Variants in ZNF790 observed in about 807,000 individuals in gnomAD.
ZNF790 encodes the protein zinc finger protein 790.
Under a neutral mutation model 12.1 loss-of-function variants are expected in ZNF790, and 8 were observed. That is an observed-to-expected ratio of 0.66 (90% confidence interval 0.39 to 1.19). ZNF790 has a LOEUF of 1.19. Among genes scored for constraint, ZNF790 ranks in the 50% most tolerant of loss-of-function variants. The probability of loss-of-function intolerance (pLI) is 0.01; values close to 1 mark genes in which losing one functional copy is unlikely to be tolerated. For missense variants in ZNF790, 707 were observed against 752.2 expected (o/e 0.94, Z 0.70); for synonymous variants, 252 against 244.3 (o/e 1.03, Z -0.29).
rs3833258 is a variant in ZNF790 at position 36,838,101 on chromosome 19, T to TGCGC, written c.-74+232_-74+235dup. The stretch of plus-strand genomic sequence containing the variant: ...AGCGCCTGTCAACGTCGTGTGCGCG[T>TGCGC]GCGCGCACACACACACACACACACA... On this transcript the variant is annotated intron_variant, in intron 1 of 4. Coordinates refer to ENST00000356725, the MANE Select transcript of ZNF790 (RefSeq NM_206894.4). The surrounding 1 kb of genome is among the most constrained non-coding windows in gnomAD (Gnocchi z 4.4). 4 of 150,734 alleles carry TGCGC rather than the reference T, an allele frequency of 2.7e-5. No individual in the cohort carries two copies. Among genetic ancestry groups the TGCGC allele is most frequent in the African/African-American group, 9.8e-5 (4 of 41,016 alleles). 9.3% of individuals were successfully genotyped at this position (150,734 alleles called of 1,614,324 possible).
In ZNF790 at chr19:36,825,678, G is replaced by A. The variant is rs1208824120; in HGVS notation, c.-59C>T. Reference sequence around the variant, plus strand: ...GGATTCTTTCTTGGTGAGGCAGCGTGCTGGGAAAGCAGAGCTAGAAGGAAA... The same window carrying A: ...GGATTCTTTCTTGGTGAGGCAGCGTACTGGGAAAGCAGAGCTAGAAGGAAA... On this transcript the variant is annotated 5_prime_UTR_variant, in exon 2 of 5. Transcript: ENST00000356725. The A allele has an allele frequency of 3.2e-6, 5 of 1,585,778 alleles. No homozygotes were observed. In the African/African-American group the frequency reaches 5.4e-5, roughly 17 times the overall value.
chr19:36,819,439 C>A lies in ZNF790; in HGVS notation c.905G>T (p.Arg302Ile). 1 of 1,610,116 alleles carries A rather than the reference C, an allele frequency of 6.2e-7. No homozygotes were observed. Residue 302 changes from arginine to isoleucine, a missense_variant, in exon 5 of 5, where the codon AGA (arginine) becomes ATA (isoleucine). Transcript: ENST00000356725. ...SCGSDLTRHQ[R>I]IHTGEKPYEC... ...ATAGGGTTTTTCACCAGTATGAATT[C>A]TCTGATGTCGAGTAAGATCTGAGCC...
Position 36,819,912 on chromosome 19 carries a change from G to A in ZNF790, c.432C>T (p.Thr144=). 1 of 1,614,100 alleles carries A rather than the reference G, an allele frequency of 6.2e-7. No individual in the cohort carries two copies. The highest frequency in any genetic ancestry group is 2.2e-5 in the East Asian group (1 of 44,864). The change falls in exon 5 of 5, where the codon ACC becomes ACT. Residue 144 remains threonine, a synonymous_variant. Transcript: ENST00000356725. ...GGTTAAAAGTGGGCCTTTTTTCACA[G>A]GTGCGTATCACCTGCTTGAAGCATT... is the stretch of plus-strand genomic sequence containing the variant. The part of the protein sequence containing the change: ...QEECFKQVIR[T]CEKRPTFNQH...
At chr19:36,823,894 TG>T in intron 2 of ZNF790, 104 bp from the exon 3 acceptor site, 1 of 1,088,784 alleles carries the variant, frequency 9.2e-7, no homozygotes, top group Non-Finnish European at 1.3e-6. Flanking sequence ...CTGCAGGGAG[TG>T]GGGCATATAT....
In ZNF790 at chr19:36,819,189, C is replaced by T; in HGVS notation, c.1155G>A (p.Gln385=). 1 of 1,614,050 alleles carries T rather than the reference C, an allele frequency of 6.2e-7. No homozygotes were observed. Among genetic ancestry groups the T allele is most frequent in the Non-Finnish European group, 8.5e-7 (1 of 1,180,002 alleles). The change falls in exon 5 of 5, where the codon CAG becomes CAA. Residue 385 remains glutamine, a synonymous_variant. Transcript: ENST00000356725. ...AAGGTTTCCTACCAACATGAACATTCTGATGTTGAGCAAGATTTGAACCAC... is the reference window on the plus strand; with the variant it reads ...AAGGTTTCCTACCAACATGAACATTTTGATGTTGAGCAAGATTTGAACCAC... The part of the protein sequence containing the change: ...FIRGSNLAQH[Q]NVHVGRKPYK...
chr19:36,819,487 T>A lies in ZNF790; in HGVS notation c.857A>T (p.Glu286Val), dbSNP rs2071618376. The A allele has an allele frequency of 6.2e-7, 1 of 1,611,356 alleles. No homozygotes were observed. Among genetic ancestry groups the A allele is most frequent in the Non-Finnish European group, 8.5e-7 (1 of 1,178,576 alleles). Reference protein sequence around the residue: ...HTGEKSYECKECGKAFSCGSD... With the variant: ...HTGEKSYECKVCGKAFSCGSD... ...GCCACAACTAAAGGCCTTCCCACAT[T>A]CCTTACATTCATAAGATTTCTCACC... Residue 286 changes from glutamate (E) to valine (V), a missense_variant, in exon 5 of 5, where the codon GAA becomes GTA. Physicochemically the swap from Glu to Val is moderately radical, Grantham distance 121 (BLOSUM62 -2). Coordinates refer to ENST00000356725, the MANE Select transcript of ZNF790 (RefSeq NM_206894.4).
At chr19:36,822,330 G>A (rs2071692340) in intron 4 of ZNF790, among the ~76,000 whole-genome samples, 1 of 152,018 alleles carries the variant, frequency 6.6e-6, no homozygotes, top group African/African-American at 2.4e-5. Flanking sequence ...TTTAAAAAAG[G>A]GAGATGAGAA....
At chr19:36,834,421 C>T (rs1221123597) in intron 1 of ZNF790, among the ~76,000 whole-genome samples, 3 of 152,146 alleles carry the variant, frequency 2.0e-5, no homozygotes, top group Non-Finnish European at 2.9e-5. Flanking sequence ...TGAACTGGCA[C>T]TTCCCAAAGG....
upstream of ZNF790, chr19:36,850,745 T>A (rs539832009): frequency 6.6e-6 from 1 of 152,350 alleles, no homozygotes; most frequent in Admixed American, 6.5e-5. Flanking sequence ...GCCAGGGGAA[T>A]CGGGATGGCT....
intron 1 of ZNF790, among the ~76,000 whole-genome samples, chr19:36,836,755 T>C (rs927729255): frequency 3.9e-5 from 6 of 152,052 alleles, no homozygotes; most frequent in Non-Finnish European, 8.8e-5. Context: ...AGACTCTGTC[T>C]CACAAAAATC....
chr19:36,818,622 A>C lies in ZNF790; in HGVS notation c.1722T>G (p.His574Gln). 1 of 1,611,268 alleles carries C rather than the reference A, an allele frequency of 6.2e-7. No individual in the cohort carries two copies. Among genetic ancestry groups the C allele is most frequent in the Non-Finnish European group, 8.5e-7 (1 of 1,178,490 alleles). ...CKKSSHIFSHHSYFTEQKIHN... is the reference protein window; with the variant it reads ...CKKSSHIFSHQSYFTEQKIHN... Reference sequence around the variant, plus strand: ...GAATTTTTTGTTCAGTAAAATATGAATGGTGACTAAAGATGTGGCTACTTT... The same window carrying C: ...GAATTTTTTGTTCAGTAAAATATGACTGGTGACTAAAGATGTGGCTACTTT... The change falls in exon 5 of 5, where the codon CAT becomes CAG. Residue 574 changes from histidine to glutamine, a missense_variant. By Grantham distance (24) the His-to-Gln change is conservative. Transcript: ENST00000356725.
At chr19:36,844,771 G>A (rs963596918) in intron 1 of ZNF790, among the ~76,000 whole-genome samples, 2 of 152,028 alleles carry the variant, frequency 1.3e-5, no homozygotes, top group Admixed American at 6.6e-5. Context: ...TACTAGGGCC[G>A]GGCGCGGTGG....
chr19:36,838,781 G>T (rs2072101713), upstream of ZNF790, among the ~76,000 whole-genome samples: 2 of 152,190 alleles, frequency 1.3e-5, no homozygotes, highest in South Asian at 4.1e-4. The surrounding 1 kb of genome is among the most constrained non-coding windows in gnomAD (Gnocchi z 4.4). Context: ...ATGGTGCGAT[G>T]GTTTTCAGTA....
intron 1 of ZNF790, among the ~76,000 whole-genome samples, chr19:36,837,038 T>C (rs1052290346): frequency 2.0e-5 from 3 of 152,126 alleles, no homozygotes; most frequent in Non-Finnish European, 4.4e-5. Context: ...TCTTTCACTA[T>C]CCCACGCTAT....
upstream of ZNF790, chr19:36,838,518 C>G (rs1404167034): frequency 1.1e-4 from 16 of 152,370 alleles, no homozygotes; most frequent in Admixed American, 1.0e-3. The surrounding 1 kb of genome is among the most constrained non-coding windows in gnomAD (Gnocchi z 4.4). Context: ...TGCATTTGAG[C>G]CCCATCCCCT....
chr19:36,820,559 A>G (rs2071645524), intron 4 of ZNF790, among the ~76,000 whole-genome samples: 1 of 152,208 alleles, frequency 6.6e-6, no homozygotes. Flanking sequence ...ATAGCAGGGT[A>G]TGCTGCATTT....
chr19:36,842,362 G>A (rs1331232479), upstream of ZNF790, among the ~76,000 whole-genome samples: 2 of 152,080 alleles, frequency 1.3e-5, no homozygotes, highest in African/African-American at 2.4e-5. Flanking sequence ...ATTATAAAAT[G>A]TGCCTATATG....
Position 36,819,290 on chromosome 19 carries a change from GTGATCCACGAGTAAAAGCTTTCCCA to G in ZNF790, c.1029_1053del (p.Gly344ThrfsTer2), listed in dbSNP as rs1421579794. ...TGAATTCTCTGATGCTGAGTTAGGT[GTGATCCACGAGTAAAAGCTTTCCCA>G]CACTCCTTACATTCATAAGGTTTTT... On this transcript the variant is annotated frameshift_variant, in exon 5 of 5. Coordinates refer to ENST00000356725, the MANE Select transcript of ZNF790 (RefSeq NM_206894.4). LOFTEE classifies it low-confidence loss of function (END_TRUNC). The G allele has an allele frequency of 3.7e-6, 6 of 1,611,580 alleles. No homozygotes were observed. The African/African-American group carries it at 8.0e-5, about 22-fold the overall frequency.
intron 1 of ZNF790, among the ~76,000 whole-genome samples, chr19:36,844,013 A>AT (rs2072153307): frequency 6.7e-6 from 1 of 149,732 alleles, no homozygotes; most frequent in African/African-American, 2.5e-5. Context: ...ATCTCAAAAA[A>AT]AAAAAAAAAT....
Sources: allele counts gnomAD v4.1 joint callset (sites outside exome capture counted in the v4.1 genomes callset), GRCh38; gene constraint gnomAD v4.1.1; non-coding constraint Gnocchi (gnomAD v3.1); transcripts MANE v1.5; gene names NCBI Gene and HGNC (gene_info 2026-07-23, HGNC 2026-07-21).